CDH20: variants seen among roughly 807,000 people sequenced by gnomAD.
CDH20 encodes the protein cadherin 20.
A neutral mutation model predicts 74.2 loss-of-function variants in CDH20; 29 were observed. The observed-to-expected ratio is 0.39, with a 90% CI of 0.29 to 0.53. CDH20 has a LOEUF of 0.53. CDH20 is among the 20% of genes least tolerant of loss of function. The pLI, the probability that CDH20 is intolerant of heterozygous loss-of-function variation, is 0.69. For missense variants in CDH20, 988 were observed against 1,048.3 expected, an observed-to-expected ratio of 0.94 and a Z score of 0.79; for synonymous variants, 469 against 405.4, an observed-to-expected ratio of 1.16 and a Z score of -1.88.
chr18:61,497,714 A>G (rs1911222131), intron 2 of CDH20, among the ~76,000 whole-genome samples: 1 of 152,164 alleles, frequency 6.6e-6, no homozygotes, highest in Non-Finnish European at 1.5e-5. Flanking sequence ...CTGTCCTCAC[A>G]CTTATAAGGA....
At position 61,554,136 on chromosome 18, in the gene CDH20, G is replaced by A. The variant is rs887295963; in HGVS notation, c.1901-54G>A. The A allele has an allele frequency of 1.2e-5, 19 of 1,564,168 alleles. No individual in the cohort carries two copies. In the East Asian group the frequency reaches 1.6e-4, roughly 13 times the overall value. On this transcript the variant is annotated intron_variant, in intron 11 of 11. Coordinates refer to ENST00000262717, the MANE Select transcript of CDH20 (RefSeq NM_031891.4). Reference sequence around the variant, plus strand: ...TGAATCAAGACTACTTCTAGTCACCGCACACACAGCCACATCTCCTCGGTA... The same window carrying A: ...TGAATCAAGACTACTTCTAGTCACCACACACACAGCCACATCTCCTCGGTA...
intron 6 of CDH20, 89 bp downstream of exon 6, chr18:61,507,649 A>G (rs544343495): frequency 1.2e-6 from 1 of 834,132 alleles, no homozygotes; most frequent in African/African-American, 1.7e-5. Flanking sequence ...ATTGATATGC[A>G]TTGCTTCAAA....
At chr18:61,545,278 ATTTTTT>A (rs5825448) in intron 10 of CDH20, 134 bp downstream of exon 10, 3 of 482,930 alleles carry the variant, frequency 6.2e-6, no homozygotes, top group South Asian at 2.3e-5. Context: ...AATTCAGTGT[ATTTTTT>A]TTTTTTTTTT....
intron 1 of CDH20, among the ~76,000 whole-genome samples, chr18:61,369,909 A>T (rs1910973853): frequency 6.6e-6 from 1 of 151,972 alleles, no homozygotes; most frequent in South Asian, 2.1e-4. Context: ...CTGGGGTCTA[A>T]CGGAGGGTGG....
intron 1 of CDH20, among the ~76,000 whole-genome samples, chr18:61,425,067 CT>C (rs1913025956): frequency 6.6e-6 from 1 of 151,768 alleles, no homozygotes. Context: ...CTCTCTCTCT[CT>C]CTCTCTCTCA....
chr18:61,523,014 T>C (rs1181519339), intron 6 of CDH20, among the ~76,000 whole-genome samples: 1 of 151,792 alleles, frequency 6.6e-6, no homozygotes, highest in Non-Finnish European at 1.5e-5. Context: ...GGCAAAGGCT[T>C]TGACTAAAAC....
intron 1 of CDH20, among the ~76,000 whole-genome samples, chr18:61,429,882 GT>G (rs1275673274): frequency 2.0e-5 from 3 of 152,152 alleles, no homozygotes; most frequent in Non-Finnish European, 2.9e-5. Flanking sequence ...AACAAACTAT[GT>G]TCCTTTGTAG....
At chr18:61,417,236 AT>A (rs992435525) in intron 1 of CDH20, among the ~76,000 whole-genome samples, 3 of 152,200 alleles carry the variant, frequency 2.0e-5, no homozygotes, top group African/African-American at 7.2e-5. Flanking sequence ...ATAAAGAGTA[AT>A]AAAAGACTTT....
intron 1 of CDH20, among the ~76,000 whole-genome samples, chr18:61,369,232 C>T (rs558711647): frequency 3.9e-5 from 6 of 152,140 alleles, no homozygotes; most frequent in Admixed American, 1.3e-4. Context: ...GTGATTTATC[C>T]GAGGTCAAAT....
intron 1 of CDH20, among the ~76,000 whole-genome samples, chr18:61,352,882 G>T (rs1270190767): frequency 1.3e-5 from 2 of 152,208 alleles, no homozygotes; most frequent in African/African-American, 4.8e-5. Flanking sequence ...AGTTCTCATT[G>T]TTAGGGACTT....
At chr18:61,356,953 C>T (rs890766040) in intron 1 of CDH20, among the ~76,000 whole-genome samples, 1 of 152,198 alleles carries the variant, frequency 6.6e-6, no homozygotes, top group Non-Finnish European at 1.5e-5. Context: ...TCTCCTAATT[C>T]CATATTCTCA....
chr18:61,499,147 T>C (rs748050937), intron 2 of CDH20, 39 bp from the exon 3 acceptor site: 2 of 1,462,792 alleles, frequency 1.4e-6, no homozygotes, highest in Non-Finnish European at 1.8e-6. Flanking sequence ...TGACACCTGT[T>C]GACATTCATG....
At chr18:61,479,626 G>A (rs1178054381) in intron 1 of CDH20, among the ~76,000 whole-genome samples, 2 of 151,440 alleles carry the variant, frequency 1.3e-5, no homozygotes, top group Non-Finnish European at 2.9e-5. Flanking sequence ...ATTGCCTAGG[G>A]TTTTCTTTTC....
intron 1 of CDH20, among the ~76,000 whole-genome samples, chr18:61,367,182 A>G (rs899245427): frequency 2.0e-5 from 3 of 152,164 alleles, no homozygotes; most frequent in African/African-American, 7.2e-5. Context: ...TTAAGAAAGT[A>G]AGAAGAGAAG....
chr18:61,426,379 G>T (rs188386682), intron 1 of CDH20, among the ~76,000 whole-genome samples: 2 of 151,952 alleles, frequency 1.3e-5, no homozygotes, highest in Non-Finnish European at 2.9e-5. Flanking sequence ...ATTTAGAAAG[G>T]GTTTGAAAAT....
intron 7 of CDH20, among the ~76,000 whole-genome samples, chr18:61,533,937 C>G (rs952797572): frequency 5.9e-5 from 9 of 152,090 alleles, no homozygotes; most frequent in Admixed American, 1.3e-4. Context: ...TCACTGTAGA[C>G]CCATGAGTTT....
At chr18:61,526,112 A>G (rs1203658908) in intron 6 of CDH20, among the ~76,000 whole-genome samples, 1 of 149,288 alleles carries the variant, frequency 6.7e-6, no homozygotes, top group Non-Finnish European at 1.5e-5. Context: ...CTCCTGGCCA[A>G]AAAGTTGACT....
chr18:61,465,378 A>T (rs2144366639), intron 1 of CDH20, among the ~76,000 whole-genome samples: 1 of 152,354 alleles, frequency 6.6e-6, no homozygotes, highest in African/African-American at 2.4e-5. Context: ...TTTTTTACAA[A>T]GAATGGCATG....
At position 61,554,385 on chromosome 18, in the gene CDH20, A is replaced by C. The variant is rs750848534; in HGVS notation, c.2096A>C (p.Gln699Pro). 7 of 1,612,804 alleles carry C rather than the reference A, an allele frequency of 4.3e-6. No individual in the cohort carries two copies. In the East Asian group the frequency reaches 1.6e-4, roughly 36 times the overall value. ...GCGGGGGCCGCCCCCAAGACGCGGC[A>C]GGACATGCTGCCCGAGATCGAGAGC... ...AQAGAAPKTRQDMLPEIESLS... is the reference protein window; with the variant it reads ...AQAGAAPKTRPDMLPEIESLS... The change falls in exon 12 of 12, where the codon CAG becomes CCG. Residue 699 changes from glutamine to proline, a missense_variant. Around this residue, in one of 2 missense-constraint regions of CDH20, gnomAD observed 375 missense variants for 293.1 expected, o/e 1.28. Transcript: ENST00000262717.
Sources: gnomAD v4.1 joint callset for allele counts (sites outside exome capture counted in the v4.1 genomes callset) on GRCh38, gnomAD v4.1.1 for gene constraint, gnomAD v4.1.1 regional missense constraint, MANE v1.5 for transcripts, NCBI Gene and HGNC (gene_info 2026-07-23, HGNC 2026-07-21) for gene names.